The following APBA3 variants were observed in gnomAD, a reference collection of about 807,000 sequenced individuals.
The protein encoded by APBA3 is amyloid beta precursor protein binding family A member 3.
A neutral mutation model predicts 55.9 loss-of-function variants in APBA3; 45 were observed. The observed-to-expected ratio is 0.80, with a 90% confidence interval of 0.63 to 1.03. The LOEUF (loss-of-function observed/expected upper bound fraction) is 1.03, where lower values mean the gene tolerates loss of function less well. Ranked by LOEUF, APBA3 falls within the 50% of genes least tolerant of loss-of-function variation. The pLI, the probability that APBA3 is intolerant of heterozygous loss-of-function variation, is 0.00. For missense variants in APBA3, 865 were observed against 820.3 expected (o/e 1.05, Z -0.67); for synonymous variants, 370 against 353.3 (o/e 1.05, Z -0.53).
At chr19:3,760,850 C>T (rs908635556) in intron 1 of APBA3, among the ~76,000 whole-genome samples, 2 of 151,690 alleles carry the variant, frequency 1.3e-5, no homozygotes, top group African/African-American at 4.8e-5. Flanking sequence ...GAGGCAGAGG[C>T]TGCAGTGAGC....
At position 3,750,986 on chromosome 19, in the gene APBA3, A is replaced by T; in HGVS notation, c.*40T>A. On this transcript the variant is annotated 3_prime_UTR_variant, in exon 11 of 11. Transcript: ENST00000316757. ...AGGCCCAGGATGGGGCTCCGGGGCC[A>T]TGGAGGCGAAGGCACAGTGGCAGGC... 1 of 1,546,684 alleles carries T rather than the reference A, an allele frequency of 6.5e-7. No individual in the cohort carries two copies. The highest frequency in any genetic ancestry group is 8.8e-7 in the Non-Finnish European group (1 of 1,141,930).
Position 3,751,341 on chromosome 19 carries a change from AAG to A in APBA3, c.1516-14_1516-13del, listed in dbSNP as rs990545302. Reference sequence around the variant, plus strand: ...AGGAGGCTGCAGATCTGGGGGAGAAAAGAGGGGGACGGGAAAGAGGTGGGGGC... The same window carrying A: ...AGGAGGCTGCAGATCTGGGGGAGAAAAGGGGGACGGGAAAGAGGTGGGGGC... On this transcript the variant is annotated splice_polypyrimidine_tract_variant and intron_variant, in intron 9 of 10. Transcript: ENST00000316757. 6.6e-6 allele frequency: 10 copies of A among 1,526,612 alleles called. No homozygotes were observed. The highest frequency in any genetic ancestry group is 4.1e-5 in the African/African-American group (3 of 72,760). The allele number at this position is 1,526,612 out of a possible 1,614,324, so 94.6% of individuals were successfully genotyped here.
rs1322720388 is a variant in APBA3, at chr19:3,759,598, G to A, written c.579C>T (p.Ser193=). The part of the protein sequence containing the change: ...TPEEPPAGAQ[S]PETLASYPAP... ...CAGGGTAGGAAGCCAGGGTCTCGGGGCTCTGGAAGAAGATAGAGGAGGGGC... is the reference window on the plus strand; with the variant it reads ...CAGGGTAGGAAGCCAGGGTCTCGGGACTCTGGAAGAAGATAGAGGAGGGGC... Residue 193 remains serine (S), a splice_region_variant and synonymous_variant, in exon 3 of 11, where the codon AGC becomes AGT. Coordinates refer to ENST00000316757, the MANE Select transcript of APBA3 (RefSeq NM_004886.4). The A allele has an allele frequency of 1.2e-5, 19 of 1,600,724 alleles. No individual in the cohort carries two copies. The highest frequency in any genetic ancestry group is 1.7e-4 in the Middle Eastern group (1 of 5,982).
rs144976844 is a variant in APBA3 at position 3,751,064 on chromosome 19, G to A, written c.1690C>T (p.Arg564Cys). The A allele has an allele frequency of 5.8e-5, 91 of 1,566,882 alleles. No homozygotes were observed. The highest frequency in any genetic ancestry group is 7.2e-5 in the Non-Finnish European group (83 of 1,155,528). ...GGCTGCTCCTGGCCTGTAAGGAGGC[G>A]ATATGTGGCAGCTGGCATCGTCTTG... is the stretch of plus-strand genomic sequence containing the variant. ...HIKTMPAATY[R>C]LLTGQEQPVY... Residue 564 changes from arginine (R) to cysteine (C), a missense_variant, in exon 11 of 11, where the codon CGC (arginine) becomes TGC (cysteine). Arg to Cys is a radical substitution (Grantham distance 180). Transcript: ENST00000316757.
Position 3,751,185 on chromosome 19 carries a change from A to G in APBA3, c.1656+4T>C, listed in dbSNP as rs1378750690. ...CCCCTGGCCACCACCCACCACCCGC[A>G]CACCTCGCCATAGGCCTCGGTGAGC... On this transcript the variant is annotated splice_donor_region_variant and intron_variant, in intron 10 of 10. Transcript: ENST00000316757. 1.6e-5 allele frequency: 25 copies of G among 1,552,112 alleles called. No individual in the cohort carries two copies. Among genetic ancestry groups the G allele is most frequent in the Non-Finnish European group, 2.0e-5 (23 of 1,148,490 alleles).
rs1200878196 is a variant in APBA3 at position 3,752,566 on chromosome 19, G to A, written c.1337C>T (p.Ala446Val). ...CCCCACCAGGCTGGTCCCGTTGATG[G>A]CGGTCAGGCGGTCCCCGATGCTGAG... ...GALSIGDRLT[A>V]INGTSLVGLP... The change falls in exon 8 of 11, where the codon GCC (alanine) becomes GTC (valine). Residue 446 changes from alanine (A) to valine (V), a missense_variant. Transcript: ENST00000316757. The A allele has an allele frequency of 2.5e-6, 4 of 1,588,124 alleles. No homozygotes were observed. Among genetic ancestry groups the A allele is most frequent in the Non-Finnish European group, 3.4e-6 (4 of 1,172,200 alleles).
chr19:3,751,724 T>TG (rs2037008578), intron 8 of APBA3, 171 bp from the exon 9 acceptor site: 2 of 788,522 alleles, frequency 2.5e-6, no homozygotes, highest in Non-Finnish European at 1.9e-6. Context: ...CCGGTGGGCA[T>TG]GGGGTCGAAG....
At chr19:3,751,391 C>A in intron 9 of APBA3, 43 bp downstream of exon 9, 1 of 1,512,534 alleles carries the variant, frequency 6.6e-7, no homozygotes, top group Admixed American at 2.1e-5. Flanking sequence ...GTGCTCAGGG[C>A]CGCCCTACCC....
At position 3,751,440 on chromosome 19, in the gene APBA3, G is replaced by A. The variant is rs1189467570; in HGVS notation, c.1509C>T (p.Asp503=). ...CCAGGGGCCGGGGCCTCACGATGCC[G>A]TCCTCCACGCAGAAGCCCAGCTGCT... ...AREQLGFCVE[D]GIICSLLRGG... The change falls in exon 9 of 11, where the codon GAC becomes GAT. Residue 503 remains aspartate, a synonymous_variant. Coordinates refer to ENST00000316757, the MANE Select transcript of APBA3 (RefSeq NM_004886.4). 14 of 1,535,620 alleles carry A rather than the reference G, an allele frequency of 9.1e-6. No homozygotes were observed. Among genetic ancestry groups the A allele is most frequent in the East Asian group, 2.4e-5 (1 of 41,130 alleles).
chr19:3,756,872 C>T (rs575404775), intron 3 of APBA3, among the ~76,000 whole-genome samples: 2 of 152,270 alleles, frequency 1.3e-5, no homozygotes, highest in South Asian at 2.1e-4. Flanking sequence ...CAGCTCTGCC[C>T]AGGGTTATAG....
rs1418741706 is a variant in APBA3 at position 3,754,267 on chromosome 19, C to G, written c.690G>C (p.Gln230His). The change falls in exon 4 of 11, where the codon CAG becomes CAC. Residue 230 changes from glutamine (Q) to histidine (H), a missense_variant. Coordinates refer to ENST00000316757, the MANE Select transcript of APBA3 (RefSeq NM_004886.4). ...TGGGCGGGTTCCGTTCCGACACCAG[C>G]TGGGTGGACCCCAGGTACCTGGCCC... The part of the protein sequence containing the change: ...IFGARYLGST[Q>H]LVSERNPPTS... 6.5e-7 allele frequency: 1 copy of G among 1,549,836 alleles called. No individual in the cohort carries two copies.
At chr19:3,759,406 C>T (rs972481263) in intron 3 of APBA3, among the ~76,000 whole-genome samples, 155 bp downstream of exon 3, 10 of 152,168 alleles carry the variant, frequency 6.6e-5, no homozygotes, top group African/African-American at 2.4e-4. Context: ...AAGGCTGGCT[C>T]TCCTCTCCCT....
Position 3,752,834 on chromosome 19 carries a change from C to T in APBA3, c.1168G>A (p.Asp390Asn), listed in dbSNP as rs1192959404. 1.2e-6 allele frequency: 2 copies of T among 1,613,292 alleles called. No homozygotes were observed. The highest frequency in any genetic ancestry group is 8.5e-7 in the Non-Finnish European group (1 of 1,179,856). The change falls in exon 7 of 11, where the codon GAC (aspartate) becomes AAC (asparagine). Residue 390 changes from aspartate to asparagine, a missense_variant. Coordinates refer to ENST00000316757, the MANE Select transcript of APBA3 (RefSeq NM_004886.4). ...NGDLDHFSNS[D>N]NCREVHLEKR... Reference sequence around the variant, plus strand: ...ACCTCACTCACCTCCCGGCAGTTGTCACTGTTGGAGAAGTGGTCCAGGTCC... The same window carrying T: ...ACCTCACTCACCTCCCGGCAGTTGTTACTGTTGGAGAAGTGGTCCAGGTCC...
chr19:3,754,202 C>G lies in APBA3; in HGVS notation c.755G>C (p.Arg252Pro), dbSNP rs973647620. Residue 252 changes from arginine (R) to proline (P), a missense_variant, in exon 4 of 11, where the codon CGC (arginine) becomes CCC (proline). Arg to Pro is a moderately radical substitution (Grantham distance 103). Transcript: ENST00000316757. ...RMAQAREAMD[R>P]VKAPDGETQP... is the part of the protein sequence containing the mutation. Reference sequence around the variant, plus strand: ...CCCCGGCCGCCCCCTCACCTTGACGCGGTCCATGGCCTCCCGGGCCTGGGC... The same window carrying G: ...CCCCGGCCGCCCCCTCACCTTGACGGGGTCCATGGCCTCCCGGGCCTGGGC... 9.7e-6 allele frequency: 15 copies of G among 1,540,258 alleles called. No individual in the cohort carries two copies. Among genetic ancestry groups the G allele is most frequent in the Admixed American group, 4.1e-5 (2 of 48,566 alleles).
rs749895756 is a variant in APBA3 at position 3,750,994 on chromosome 19, G to A, written c.*32C>T. The A allele has an allele frequency of 3.0e-5, 47 of 1,551,114 alleles. No homozygotes were observed. Among genetic ancestry groups the A allele is most frequent in the African/African-American group, 1.1e-4 (8 of 73,156 alleles). ...GATGGGGCTCCGGGGCCATGGAGGCGAAGGCACAGTGGCAGGCAAGGGATG... is the reference window on the plus strand; with the variant it reads ...GATGGGGCTCCGGGGCCATGGAGGCAAAGGCACAGTGGCAGGCAAGGGATG... On this transcript the variant is annotated 3_prime_UTR_variant, in exon 11 of 11. Transcript: ENST00000316757.
In APBA3 at chr19:3,754,291, C is replaced by T; in HGVS notation, c.666G>A (p.Gly222=). The T allele has an allele frequency of 1.3e-6, 2 of 1,553,586 alleles. No individual in the cohort carries two copies. Among genetic ancestry groups the T allele is most frequent in the Non-Finnish European group, 1.7e-6 (2 of 1,150,386 alleles). ...HEDLLDGVIF[G]ARYLGSTQLV... ...GCTGGGTGGACCCCAGGTACCTGGC[C>T]CCAAATATGACACCGTCCAGGAGGT... Residue 222 remains glycine, a synonymous_variant, in exon 4 of 11, where the codon GGG becomes GGA. Coordinates refer to ENST00000316757, the MANE Select transcript of APBA3 (RefSeq NM_004886.4).
chr19:3,751,891 C>T, intron 8 of APBA3: 1 of 312,600 alleles, frequency 3.2e-6, no homozygotes. Flanking sequence ...GCCTCAGTTT[C>T]CCCATCTGAG....
At chr19:3,759,052 T>C (rs533583746) in intron 3 of APBA3, among the ~76,000 whole-genome samples, 1 of 150,794 alleles carries the variant, frequency 6.6e-6, no homozygotes, top group East Asian at 2.0e-4. Context: ...TGAAACCCCA[T>C]CTCTACCCAA....
rs370522854 is a variant in APBA3 at position 3,758,101 on chromosome 19, AT to A, written c.616+1459del. Among the ~76,000 whole-genome samples, 632 of 151,698 alleles carry A rather than the reference AT, an allele frequency of 4.2e-3. 2 individuals carry two copies. The highest frequency in any genetic ancestry group is 8.0e-3 in the Non-Finnish European group (545 of 67,940). ...AGGCGTGCACTACCATGCCCGGCTA[AT>A]TTTTGTATGTTTAGTAGAGACGGGG... On this transcript the variant is annotated intron_variant, in intron 3 of 10. Coordinates refer to ENST00000316757, the MANE Select transcript of APBA3 (RefSeq NM_004886.4).
Sources: allele counts gnomAD v4.1 joint callset (sites outside exome capture counted in the v4.1 genomes callset), GRCh38; gene constraint gnomAD v4.1.1; transcripts MANE v1.5; gene names NCBI Gene and HGNC (gene_info 2026-07-23, HGNC 2026-07-21).